Variants in TECPR2 observed in about 807,000 individuals in gnomAD.
TECPR2 encodes tectonin beta-propeller repeat containing 2.
Under a neutral mutation model 138.1 loss-of-function variants are expected in TECPR2, and 65 were observed. The observed-to-expected ratio is 0.47, with a 90% CI of 0.39 to 0.58. TECPR2 has a LOEUF of 0.58. TECPR2 is among the 20% of genes least tolerant of loss of function. The probability of loss-of-function intolerance (pLI) is 0.00; values close to 1 mark genes in which losing one functional copy is unlikely to be tolerated. For synonymous variants in TECPR2, 746 were observed against 749.8 expected, an observed-to-expected ratio of 0.99 and a Z score of 0.08; for missense variants, 1,553 against 1,824.5, an observed-to-expected ratio of 0.85 and a Z score of 2.71.
Position 102,498,097 on chromosome 14 carries a change from C to T in TECPR2, c.4082-6C>T, listed in dbSNP as rs1891339803. 1 of 1,613,004 alleles carries T rather than the reference C, an allele frequency of 6.2e-7. No homozygotes were observed. Among genetic ancestry groups the T allele is most frequent in the South Asian group, 1.1e-5 (1 of 91,012 alleles). Reference sequence around the variant, plus strand: ...ACAAGTATGTGATTGGCTCTTGTCCCTGCAGTGACTGCGTCAGATGAGCTG... The same window carrying T: ...ACAAGTATGTGATTGGCTCTTGTCCTTGCAGTGACTGCGTCAGATGAGCTG... On this transcript the variant is annotated splice_region_variant and splice_polypyrimidine_tract_variant and intron_variant, in intron 19 of 19. Transcript: ENST00000359520.
In TECPR2 at chr14:102,435,190, C is replaced by T. The variant is rs768578616; in HGVS notation, c.2373C>T (p.Ala791=). ...QDLSRLGAED[A]GLLKPDQFAE... ...TGAGCCGGCTGGGTGCAGAGGACGC[C>T]GGGCTGCTCAAGCCAGATCAGGTAT... The change falls in exon 9 of 20, where the codon GCC becomes GCT. Residue 791 remains alanine (A), a synonymous_variant. Transcript: ENST00000359520. The T allele has an allele frequency of 1.4e-5, 22 of 1,610,832 alleles. No individual in the cohort carries two copies. The highest frequency in any genetic ancestry group is 8.9e-5 in the East Asian group (4 of 44,830).
chr14:102,450,711 A>G (rs1890117269), intron 15 of TECPR2, 62 bp downstream of exon 15: 1 of 1,546,556 alleles, frequency 6.5e-7, no homozygotes, highest in African/African-American at 1.4e-5. Flanking sequence ...GAAAGGTTCA[A>G]ACCACAGTCG....
At chr14:102,424,891 T>TG (rs1050460653) in intron 5 of TECPR2, 88 bp from the exon 6 acceptor site, 1 of 1,329,622 alleles carries the variant, frequency 7.5e-7, no homozygotes, top group African/African-American at 1.5e-5. Context: ...AAATTCTTGT[T>TG]GTACTTAATA....
intron 2 of TECPR2, among the ~76,000 whole-genome samples, chr14:102,399,028 T>G (rs1888395827): frequency 6.6e-6 from 1 of 152,120 alleles, no homozygotes; most frequent in East Asian, 1.9e-4. Context: ...TTTGGGAGGC[T>G]GAGGCAGGTG....
rs146196522 is a variant in TECPR2 at position 102,452,535 on chromosome 14, C to T, written c.3548C>T (p.Ala1183Val). Reference sequence around the variant, plus strand: ...GCCGCCTGCCAGGATGCGCTGTGGGCGCTGGACAGCCTCGGCCAGGTGTTC... The same window carrying T: ...GCCGCCTGCCAGGATGCGCTGTGGGTGCTGGACAGCCTCGGCCAGGTGTTC... ...AYAACQDALW[A>V]LDSLGQVFIR... Residue 1183 changes from alanine (A) to valine (V), a missense_variant, in exon 16 of 20, where the codon GCG (alanine) becomes GTG (valine). Transcript: ENST00000359520. The T allele has an allele frequency of 3.2e-5, 51 of 1,611,720 alleles. No individual in the cohort carries two copies. In the African/African-American group the frequency reaches 5.5e-4, roughly 17 times the overall value.
chr14:102,473,645 T>C (rs1234879029), intron 17 of TECPR2, among the ~76,000 whole-genome samples: 4 of 152,226 alleles, frequency 2.6e-5, no homozygotes, highest in Non-Finnish European at 4.4e-5. Context: ...ATACCCCTCC[T>C]GTAGTAGTTT....
At chr14:102,445,766 C>T in intron 12 of TECPR2, 40 bp from the exon 13 acceptor site, 1 of 1,602,086 alleles carries the variant, frequency 6.2e-7, no homozygotes. Context: ...GGCACTCTGC[C>T]TATGGGTGCT....
chr14:102,394,325 A>G (rs963099113), intron 2 of TECPR2, among the ~76,000 whole-genome samples: 5 of 152,106 alleles, frequency 3.3e-5, no homozygotes, highest in African/African-American at 9.7e-5. Context: ...ACAAATTACT[A>G]CCAGGCACGG....
intron 17 of TECPR2, among the ~76,000 whole-genome samples, chr14:102,480,370 G>A (rs904942165): frequency 1.3e-5 from 2 of 151,652 alleles, no homozygotes; most frequent in Non-Finnish European, 2.9e-5. Context: ...GACTACAGGC[G>A]CCCACCACCA....
At chr14:102,475,703 A>T (rs1890742954) in intron 17 of TECPR2, among the ~76,000 whole-genome samples, 1 of 152,162 alleles carries the variant, frequency 6.6e-6, no homozygotes, top group African/African-American at 2.4e-5. Flanking sequence ...GATAAAATTC[A>T]CATGGGCAAC....
rs184890979 is a variant in TECPR2, at chr14:102,376,694, G to A, written c.-28G>A. The A allele has an allele frequency of 4.7e-4, 756 of 1,602,996 alleles. 3 individuals carry two copies. In the African/African-American group the frequency reaches 7.5e-3, roughly 16 times the overall value. On this transcript the variant is annotated 5_prime_UTR_variant, in exon 2 of 20. It adds an upstream start codon to the 5' untranslated region. Coordinates refer to ENST00000359520, the MANE Select transcript of TECPR2 (RefSeq NM_014844.5). ...GACAAATAAACATTCCTTTTCCTGC[G>A]TGAAGATAGTCTGTGGAAACCTTGG...
chr14:102,414,631 G>GGTTACA lies in TECPR2; in HGVS notation c.481-5_481-4insGTTACA. 1 of 1,614,054 alleles carries GGTTACA rather than the reference G, an allele frequency of 6.2e-7. No homozygotes were observed. The highest frequency in any genetic ancestry group is 1.1e-5 in the South Asian group (1 of 91,072). On this transcript the variant is annotated splice_polypyrimidine_tract_variant and splice_region_variant and intron_variant, in intron 4 of 19. Coordinates refer to ENST00000359520, the MANE Select transcript of TECPR2 (RefSeq NM_014844.5). ...TGTGAGGTGTAACCAGACTTTCTCT[G>GGTTACA]CCAGGGGCTCTGTAACTCCCAGCTG...
chr14:102,470,409 G>T (rs1890632015), intron 17 of TECPR2, among the ~76,000 whole-genome samples: 1 of 151,248 alleles, frequency 6.6e-6, no homozygotes, highest in African/African-American at 2.4e-5. Context: ...CTGGGTTCTT[G>T]CAATTCTCCT....
Position 102,443,936 on chromosome 14 carries a change from C to A in TECPR2, c.2933+109C>A. On this transcript the variant is annotated intron_variant, in intron 12 of 19. Coordinates refer to ENST00000359520, the MANE Select transcript of TECPR2 (RefSeq NM_014844.5). The surrounding 1 kb of genome is among the most constrained non-coding windows in gnomAD (Gnocchi z 4.9). Reference sequence around the variant, plus strand: ...GGCCGTTCCTGGGAGGCAGCACCTGCAGCCTCCATGGCTATAGGCTAAGCT... The same window carrying A: ...GGCCGTTCCTGGGAGGCAGCACCTGAAGCCTCCATGGCTATAGGCTAAGCT... 1 of 1,089,590 alleles carries A rather than the reference C, an allele frequency of 9.2e-7. No individual in the cohort carries two copies. Among genetic ancestry groups the A allele is most frequent in the Non-Finnish European group, 1.3e-6 (1 of 789,528 alleles). 67.5% of individuals were successfully genotyped at this position (1,089,590 alleles called of 1,614,324 possible).
intron 2 of TECPR2, among the ~76,000 whole-genome samples, chr14:102,379,676 G>C (rs916095848): frequency 1.4e-5 from 2 of 140,650 alleles, no homozygotes; most frequent in African/African-American, 2.7e-5. Flanking sequence ...ATGCACAGAG[G>C]CATCTTAGTC....
intron 17 of TECPR2, among the ~76,000 whole-genome samples, chr14:102,468,428 C>G (rs954851255): frequency 3.3e-5 from 5 of 152,310 alleles, no homozygotes; most frequent in African/African-American, 1.2e-4. Context: ...ACCTTGTGAT[C>G]CGCCTACCTG....
intron 1 of TECPR2, among the ~76,000 whole-genome samples, 156 bp from the exon 2 acceptor site, chr14:102,376,494 T>C (rs1197523772): frequency 6.6e-6 from 1 of 152,216 alleles, no homozygotes. Context: ...GTTAAAATGC[T>C]CAAAAGTGAT....
At chr14:102,400,151 T>C (rs1372906183) in intron 2 of TECPR2, among the ~76,000 whole-genome samples, 1 of 151,864 alleles carries the variant, frequency 6.6e-6, no homozygotes, top group African/African-American at 2.4e-5. Flanking sequence ...GTTCAAGTGA[T>C]TCTTGTGCCT....
In TECPR2 at chr14:102,437,341, GT is replaced by G. The variant is rs1431367574; in HGVS notation, c.2395-679del. Among the ~76,000 whole-genome samples the G allele has an allele frequency of 3.3e-5, 5 of 152,244 alleles. No individual in the cohort carries two copies. In the East Asian group the frequency reaches 9.6e-4, roughly 29 times the overall value. ...GTGGGCGAATCACCTGAGGTCAGGA[GT>G]TCGAGACCAGCCTGGCCAACATGGC... On this transcript the variant is annotated intron_variant, in intron 9 of 19. Transcript: ENST00000359520.
Sources: allele counts gnomAD v4.1 joint callset (sites outside exome capture counted in the v4.1 genomes callset), GRCh38; gene constraint gnomAD v4.1.1; non-coding constraint Gnocchi (gnomAD v3.1); transcripts MANE v1.5; gene names NCBI Gene and HGNC (gene_info 2026-07-23, HGNC 2026-07-21).